Variants in ABCC10 observed in about 807,000 individuals in gnomAD.
ABCC10 encodes the protein ATP-binding cassette sub-family C member 10.
A neutral mutation model predicts 143.2 loss-of-function variants in ABCC10; 110 were observed. That is an observed-to-expected ratio of 0.77 (90% CI 0.66 to 0.90). ABCC10 has a LOEUF of 0.90. ABCC10 is among the 40% of genes least tolerant of loss of function. The probability of loss-of-function intolerance (pLI) is 0.00; values close to 1 mark genes in which losing one functional copy is unlikely to be tolerated. For synonymous variants in ABCC10, 805 were observed against 846.7 expected (o/e 0.95, Z 0.85); for missense variants, 1,700 against 1,900.5 (o/e 0.89, Z 1.96).
chr6:43,428,260 A>G (rs947820197), intron 2 of ABCC10, 121 bp downstream of exon 2: 2 of 1,188,520 alleles, frequency 1.7e-6, no homozygotes, highest in African/African-American at 1.5e-5. Context: ...GAAGTAGAAT[A>G]AAATCTAAGC....
At position 43,432,687 on chromosome 6, in the gene ABCC10, G is replaced by A; in HGVS notation, c.707G>A (p.Gly236Glu). Residue 236 changes from glycine (G) to glutamate (E), a missense_variant, in exon 3 of 22, where the codon GGG (glycine) becomes GAG (glutamate). Physicochemically the swap from Gly to Glu is moderately conservative, Grantham distance 98. Coordinates refer to ENST00000372530, the MANE Select transcript of ABCC10 (RefSeq NM_001198934.2). The part of the protein sequence containing the change: ...YAWLAPLLAR[G>E]ACGELRQPQD... ...TGGCTGGCACCCTTGCTGGCCCGTG[G>A]GGCCTGTGGAGAGCTCCGGCAGCCT... 8 of 1,614,062 alleles carry A rather than the reference G, an allele frequency of 5.0e-6. No individual in the cohort carries two copies. The highest frequency in any genetic ancestry group is 6.8e-6 in the Non-Finnish European group (8 of 1,180,022).
chr6:43,451,142 A>G (rs1412745444), downstream of ABCC10: 22 of 1,614,216 alleles, frequency 1.4e-5, no homozygotes, highest in East Asian at 2.2e-5. This position sits in a 1 kb window ranked among gnomAD's most constrained non-coding sequence, Gnocchi z 4.4. Flanking sequence ...CACCGTTAGC[A>G]CAAGGCCGCA....
chr6:43,432,144 G>A lies in ABCC10; in HGVS notation c.164G>A (p.Ser55Asn). ...LSACYLGTPR[S>N]PDYILPCSPG... ...CTTGTCTTCCCCCTTGTCCCCAGGAGTCCAGATTACATCCTACCCTGCAGT... is the reference window on the plus strand; with the variant it reads ...CTTGTCTTCCCCCTTGTCCCCAGGAATCCAGATTACATCCTACCCTGCAGT... Residue 55 changes from serine (S) to asparagine (N), a missense_variant and splice_region_variant, in exon 3 of 22, where the codon AGT becomes AAT. Transcript: ENST00000372530. 1 of 1,613,992 alleles carries A rather than the reference G, an allele frequency of 6.2e-7. No individual in the cohort carries two copies. Among genetic ancestry groups the A allele is most frequent in the Non-Finnish European group, 8.5e-7 (1 of 1,179,914 alleles).
chr6:43,450,448 G>A (rs1197438571), downstream of ABCC10: 5 of 1,417,986 alleles, frequency 3.5e-6, no homozygotes, highest in Admixed American at 1.0e-4. The surrounding 1 kb of genome is among the most constrained non-coding windows in gnomAD (Gnocchi z 4.5). Flanking sequence ...TCCTCTGTGT[G>A]TGTACCCAAG....
chr6:43,434,461 A>G, intron 3 of ABCC10, 160 bp from the exon 4 acceptor site: 3 of 656,860 alleles, frequency 4.6e-6, no homozygotes, highest in Non-Finnish European at 7.8e-6. Flanking sequence ...GGATTTCCAG[A>G]AAGTACTGAG....
chr6:43,429,306 C>T (rs1405192595), intron 2 of ABCC10, among the ~76,000 whole-genome samples: 1 of 151,376 alleles, frequency 6.6e-6, no homozygotes, highest in Non-Finnish European at 1.5e-5. Flanking sequence ...TCTTGGGTCC[C>T]CACATCTTAG....
downstream of ABCC10, among the ~76,000 whole-genome samples, chr6:43,451,571 G>C (rs1461747159): frequency 6.6e-6 from 1 of 152,130 alleles, no homozygotes; most frequent in African/African-American, 2.4e-5. This position sits in a 1 kb window ranked among gnomAD's most constrained non-coding sequence, Gnocchi z 4.4. Flanking sequence ...ATGAGGACAA[G>C]TCCAGCCCTG....
At chr6:43,449,258 G>T in intron 20 of ABCC10, 54 bp downstream of exon 20, 1 of 1,589,612 alleles carries the variant, frequency 6.3e-7, no homozygotes, top group Non-Finnish European at 8.6e-7. Flanking sequence ...CTGGGGGCCG[G>T]GAGGTGGGGA....
Position 43,449,938 on chromosome 6 carries a change from G to A in ABCC10, c.4326G>A (p.Thr1442=), listed in dbSNP as rs766345179. The A allele has an allele frequency of 6.2e-6, 10 of 1,614,008 alleles. No individual in the cohort carries two copies. Among genetic ancestry groups the A allele is most frequent in the South Asian group, 5.5e-5 (5 of 91,072 alleles). Residue 1442 remains threonine, a synonymous_variant, in exon 22 of 22, where the codon ACG becomes ACA. Coordinates refer to ENST00000372530, the MANE Select transcript of ABCC10 (RefSeq NM_001198934.2). ...ATCTTCCCCCTCACAGGCTCAACAC[G>A]ATCCTGAACTCAGACCGGGTGCTGG... ...TVLTIAHRLN[T]ILNSDRVLVL...
At chr6:43,450,737 A>G (rs760309007), downstream of ABCC10, 3 of 1,614,194 alleles carry the variant, frequency 1.9e-6, no homozygotes, top group Admixed American at 3.3e-5. This position sits in a 1 kb window ranked among gnomAD's most constrained non-coding sequence, Gnocchi z 4.5. Context: ...GAACCAGGGC[A>G]GCAGTGAGGG....
intron 8 of ABCC10, 148 bp downstream of exon 8, chr6:43,438,943 G>T (rs1581740043): frequency 2.0e-6 from 2 of 989,782 alleles, no homozygotes; most frequent in East Asian, 5.1e-5. Flanking sequence ...GGTCCTCCCA[G>T]AGTGTCCAGC....
chr6:43,438,656 C>T lies in ABCC10; in HGVS notation c.1988C>T (p.Ser663Phe). 2 of 1,614,140 alleles carry T rather than the reference C, an allele frequency of 1.2e-6. No homozygotes were observed. The highest frequency in any genetic ancestry group is 2.7e-5 in the African/African-American group (2 of 75,052). ...GGGCATGTGGCAGTGCGGGGGCTGT[C>T]CAAGGGCTTTGGCCTGGCCACCCAG... The part of the protein sequence containing the change: ...LRGHVAVRGL[S>F]KGFGLATQEP... Residue 663 changes from serine to phenylalanine, a missense_variant, in exon 8 of 22, where the codon TCC becomes TTC. By Grantham distance (155) the Ser-to-Phe change is radical. Coordinates refer to ENST00000372530, the MANE Select transcript of ABCC10 (RefSeq NM_001198934.2).
chr6:43,447,303 C>A lies in ABCC10; in HGVS notation c.3600C>A (p.Gly1200=). 1 of 1,613,734 alleles carries A rather than the reference C, an allele frequency of 6.2e-7. No individual in the cohort carries two copies. The highest frequency in any genetic ancestry group is 8.5e-7 in the Non-Finnish European group (1 of 1,180,016). Residue 1200 remains glycine, a synonymous_variant, in exon 17 of 22, where the codon GGC becomes GGA. Transcript: ENST00000372530. ...YALSLTGLLS[G]LVSSFTQTEA... is the part of the protein sequence containing the mutation. ...TGTCCCTGACGGGCCTGCTCTCGGG[C>A]CTGGTGAGCAGCTTCACACAGACAG...
Position 43,450,000 on chromosome 6 carries a change from C to T in ABCC10, c.4388C>T (p.Pro1463Leu), listed in dbSNP as rs368769215. 23 of 1,613,580 alleles carry T rather than the reference C, an allele frequency of 1.4e-5. No homozygotes were observed. The highest frequency in any genetic ancestry group is 4.0e-5 in the African/African-American group (3 of 74,896). Residue 1463 changes from proline (P) to leucine (L), a missense_variant, in exon 22 of 22, where the codon CCG becomes CTG. Transcript: ENST00000372530. ...GGGAGAGTGGTAGAGCTGGACTCCC[C>T]GGCCACCCTGCGCAACCAGCCCCAC... ...QAGRVVELDS[P>L]ATLRNQPHSL...
At chr6:43,436,605 T>C (rs1469392961) in intron 6 of ABCC10, among the ~76,000 whole-genome samples, 6 of 152,220 alleles carry the variant, frequency 3.9e-5, no homozygotes, top group Admixed American at 3.9e-4. Context: ...CAGCAAGTGC[T>C]TCCAAGAAAT....
Position 43,438,765 on chromosome 6 carries a change from A to G in ABCC10, c.2097A>G (p.Leu699=). The G allele has an allele frequency of 6.2e-7, 1 of 1,614,220 alleles. No individual in the cohort carries two copies. The highest frequency in any genetic ancestry group is 8.5e-7 in the Non-Finnish European group (1 of 1,180,038). ...ATGCACAGCTGTACAAGGAGGTGCTAGAAGCCTGCGCCCTCAATGATGACC... is the reference window on the plus strand; with the variant it reads ...ATGCACAGCTGTACAAGGAGGTGCTGGAAGCCTGCGCCCTCAATGATGACC... ...TFDAQLYKEV[L]EACALNDDLS... The change falls in exon 8 of 22, where the codon CTA becomes CTG. Residue 699 remains leucine (L), a synonymous_variant. Coordinates refer to ENST00000372530, the MANE Select transcript of ABCC10 (RefSeq NM_001198934.2).
rs1021497449 is a variant in ABCC10, at chr6:43,447,307, G to A, written c.3604G>A (p.Val1202Met). 1.2e-6 allele frequency: 2 copies of A among 1,613,724 alleles called. No individual in the cohort carries two copies. Among genetic ancestry groups the A allele is most frequent in the Non-Finnish European group, 1.7e-6 (2 of 1,180,018 alleles). ...CCTGACGGGCCTGCTCTCGGGCCTG[G>A]TGAGCAGCTTCACACAGACAGAGGC... ...LSLTGLLSGLVSSFTQTEAML... is the reference protein window; with the variant it reads ...LSLTGLLSGLMSSFTQTEAML... Residue 1202 changes from valine to methionine, a missense_variant, in exon 17 of 22, where the codon GTG (valine) becomes ATG (methionine). Val to Met is a conservative substitution (Grantham distance 21, BLOSUM62 1). Coordinates refer to ENST00000372530, the MANE Select transcript of ABCC10 (RefSeq NM_001198934.2).
intron 7 of ABCC10, 27 bp from the exon 8 acceptor site, chr6:43,438,597 T>C (rs1781997554): frequency 6.2e-7 from 1 of 1,610,762 alleles, no homozygotes; most frequent in Non-Finnish European, 8.5e-7. Flanking sequence ...GAGCTGGTCC[T>C]CATATTGCTC....
chr6:43,444,677 C>A, intron 12 of ABCC10, 111 bp from the exon 13 acceptor site: 2 of 1,450,146 alleles, frequency 1.4e-6, no homozygotes, highest in Non-Finnish European at 1.8e-6. Flanking sequence ...CCAGGCCAGG[C>A]GGATGGAGAT....
Sources: gnomAD v4.1 joint callset for allele counts (sites outside exome capture counted in the v4.1 genomes callset) on GRCh38, gnomAD v4.1.1 for gene constraint, Gnocchi (gnomAD v3.1) non-coding constraint, MANE v1.5 for transcripts, NCBI Gene and HGNC (gene_info 2026-07-23, HGNC 2026-07-21) for gene names.